The following FARP1 variants were observed in gnomAD, a reference collection of about 807,000 sequenced individuals.
FARP1 encodes the protein FERM, ARH/RhoGEF and pleckstrin domain protein 1.
A neutral mutation model predicts 128.8 loss-of-function variants in FARP1; 52 were observed. The ratio of observed to expected loss-of-function variants is 0.40; its 90% confidence interval spans 0.32 to 0.51. The LOEUF (loss-of-function observed/expected upper bound fraction) is 0.51. FARP1 is among the 20% of genes least tolerant of loss of function. The pLI is 0.45. For missense variants in FARP1, 1,333 were observed against 1,367.9 expected, an observed-to-expected ratio of 0.97 and a Z score of 0.40; for synonymous variants, 580 against 551.8, an observed-to-expected ratio of 1.05 and a Z score of -0.72.
At chr13:98,197,165 T>C (rs1475097254) in intron 1 of FARP1, among the ~76,000 whole-genome samples, 1 of 152,120 alleles carries the variant, frequency 6.6e-6, no homozygotes, top group African/African-American at 2.4e-5. Flanking sequence ...TTTCATAAAG[T>C]TGTATAAGAT....
chr13:98,287,949 C>T (rs944642909), intron 2 of FARP1, among the ~76,000 whole-genome samples: 3 of 152,020 alleles, frequency 2.0e-5, no homozygotes, highest in Non-Finnish European at 4.4e-5. Flanking sequence ...CTACGGGCAC[C>T]CACCACCATG....
At chr13:98,391,111 C>T (rs571926900) in intron 11 of FARP1, among the ~76,000 whole-genome samples, 7 of 152,054 alleles carry the variant, frequency 4.6e-5, no homozygotes, top group East Asian at 3.9e-4. Context: ...CTAGGGGAGG[C>T]GGGAGAGGAC....
chr13:98,398,144 TC>T (rs1211010390), intron 13 of FARP1: 1 of 152,200 alleles, frequency 6.6e-6, no homozygotes, highest in Admixed American at 6.5e-5. Flanking sequence ...ACAAATGATA[TC>T]TGTCCACATG....
At chr13:98,177,004 C>T in intron 1 of FARP1, 1 of 1,597,742 alleles carries the variant, frequency 6.3e-7, no homozygotes, top group Non-Finnish European at 8.5e-7. Flanking sequence ...CCTCCTGTCG[C>T]CGTGAGCCGC....
In FARP1 at chr13:98,361,262, C is replaced by T. The variant is rs538986784; in HGVS notation, c.277-4133C>T. 3.9e-5 allele frequency among the ~76,000 whole-genome samples: 6 copies of T among 152,298 alleles called. No individual in the cohort carries two copies. In the East Asian group the frequency reaches 9.7e-4, roughly 25 times the overall value. Reference sequence around the variant, plus strand: ...CAGCCTGGTTGCGTTGGGGTGTGATCGGCTTCTTGCAGTGTTCCCGCTGCG... The same window carrying T: ...CAGCCTGGTTGCGTTGGGGTGTGATTGGCTTCTTGCAGTGTTCCCGCTGCG... On this transcript the variant is annotated intron_variant, in intron 3 of 26. Transcript: ENST00000319562.
At chr13:98,370,368 G>A (rs1357246771) in intron 5 of FARP1, among the ~76,000 whole-genome samples, 2 of 152,166 alleles carry the variant, frequency 1.3e-5, no homozygotes, top group South Asian at 2.1e-4. Context: ...GTGGATGTTA[G>A]GGGGAGAAGG....
At chr13:98,165,861 G>A (rs1475545499) in intron 1 of FARP1, among the ~76,000 whole-genome samples, 1 of 151,410 alleles carries the variant, frequency 6.6e-6, no homozygotes, top group African/African-American at 2.4e-5. Context: ...GAGATTACAG[G>A]TGCACACCAC....
At chr13:98,202,743 A>G (rs1196063582) in intron 1 of FARP1, among the ~76,000 whole-genome samples, 1 of 151,892 alleles carries the variant, frequency 6.6e-6, no homozygotes, top group African/African-American at 2.4e-5. Context: ...TTTAAGAGAT[A>G]GGGTCTTGCT....
chr13:98,391,033 G>C (rs1398667146), intron 11 of FARP1, among the ~76,000 whole-genome samples, 153 bp downstream of exon 11: 1 of 152,160 alleles, frequency 6.6e-6, no homozygotes, highest in Non-Finnish European at 1.5e-5. Flanking sequence ...CAAGTCCAGT[G>C]TTAGAGAGGA....
chr13:98,215,150 C>T (rs1880982716), intron 2 of FARP1, among the ~76,000 whole-genome samples: 1 of 152,216 alleles, frequency 6.6e-6, no homozygotes, highest in Admixed American at 6.5e-5. Context: ...TACTATTTAG[C>T]AGCTATCCAG....
At chr13:98,148,116 C>T (rs1017676906) in intron 1 of FARP1, among the ~76,000 whole-genome samples, 13 of 152,130 alleles carry the variant, frequency 8.5e-5, no homozygotes, top group East Asian at 3.9e-4. Context: ...CGGTGGCTCA[C>T]GCCTGTAACC....
At chr13:98,202,125 C>A (rs1452776416) in intron 1 of FARP1, among the ~76,000 whole-genome samples, 4 of 152,246 alleles carry the variant, frequency 2.6e-5, no homozygotes, top group Non-Finnish European at 4.4e-5. Flanking sequence ...GAGGGCCGGG[C>A]TGGCAGCTTT....
chr13:98,337,527 G>C (rs1334580447), intron 2 of FARP1, among the ~76,000 whole-genome samples: 1 of 148,030 alleles, frequency 6.8e-6, no homozygotes. Context: ...GTGTATAGTA[G>C]TCTGTGTAGC....
chr13:98,323,440 T>C (rs565869383), intron 2 of FARP1, among the ~76,000 whole-genome samples: 1 of 150,432 alleles, frequency 6.6e-6, no homozygotes, highest in South Asian at 2.1e-4. Flanking sequence ...TGTGGTTGTT[T>C]ACAGTAGAAG....
chr13:98,289,484 A>G (rs1885349650), intron 2 of FARP1, among the ~76,000 whole-genome samples: 1 of 152,230 alleles, frequency 6.6e-6, no homozygotes, highest in Admixed American at 6.5e-5. Flanking sequence ...AGCCATCCGC[A>G]TGCAGTGAAC....
chr13:98,323,285 A>AATAT (rs1462577337), intron 2 of FARP1, among the ~76,000 whole-genome samples: 1 of 152,160 alleles, frequency 6.6e-6, no homozygotes, highest in Non-Finnish European at 1.5e-5. Flanking sequence ...CAGTTTCATT[A>AATAT]ATATATTTAA....
At chr13:98,444,853 C>T (rs534789490) in intron 24 of FARP1, among the ~76,000 whole-genome samples, 29 of 152,338 alleles carry the variant, frequency 1.9e-4, no homozygotes, top group African/African-American at 5.8e-4. Context: ...CTCCATGTTG[C>T]GTGACCCAAG....
chr13:98,440,876 T>C (rs1273564488), intron 24 of FARP1, 40 bp downstream of exon 24: 1 of 1,548,804 alleles, frequency 6.5e-7, no homozygotes, highest in African/African-American at 1.4e-5. Context: ...CAGCTTGTGC[T>C]GGCCCAGGCA....
intron 1 of FARP1, among the ~76,000 whole-genome samples, chr13:98,154,679 T>C (rs929263264): frequency 6.6e-6 from 1 of 152,218 alleles, no homozygotes; most frequent in Middle Eastern, 3.2e-3. Context: ...TATGTGAATA[T>C]ACAGGGATAA....
Sources: gnomAD v4.1 joint callset for allele counts (sites outside exome capture counted in the v4.1 genomes callset) on GRCh38, gnomAD v4.1.1 for gene constraint, MANE v1.5 for transcripts, NCBI Gene and HGNC (gene_info 2026-07-23, HGNC 2026-07-21) for gene names.